Variants in CFAP61 observed in about 807,000 individuals in gnomAD.
CFAP61 encodes cilia- and flagella-associated protein 61.
In CFAP61, 107 loss-of-function variants were observed where a neutral mutation model predicts 135.6. The ratio of observed to expected loss-of-function variants is 0.79; its 90% CI spans 0.67 to 0.93. CFAP61 has a LOEUF of 0.93. Ranked by LOEUF, CFAP61 falls within the 40% of genes least tolerant of loss-of-function variation. CFAP61 has a pLI of 0.00. For synonymous variants in CFAP61, 575 were observed against 578.5 expected, an observed-to-expected ratio of 0.99 and a Z score of 0.09; for missense variants, 1,507 against 1,556.2, an observed-to-expected ratio of 0.97 and a Z score of 0.53.
Position 20,353,710 on chromosome 20 carries a change from T to C in CFAP61, c.3514-6500T>C, listed in dbSNP as rs77854136. 7.8e-3 allele frequency among the ~76,000 whole-genome samples: 1,184 copies of C among 152,306 alleles called. 17 individuals are homozygous for C. The highest frequency in any genetic ancestry group is 0.027 in the African/African-American group (1,131 of 41,548). On this transcript the variant is annotated intron_variant, in intron 26 of 26. Coordinates refer to ENST00000245957, the MANE Select transcript of CFAP61 (RefSeq NM_015585.4). The stretch of plus-strand genomic sequence containing the variant: ...TTTCCAGGAAGCTACGAGGACTTAC[T>C]GTGACCAAAAGATATATTTAAAAAA...
intron 25 of CFAP61, among the ~76,000 whole-genome samples, chr20:20,305,263 C>G (rs1322155646): frequency 6.6e-6 from 1 of 152,244 alleles, no homozygotes; most frequent in Non-Finnish European, 1.5e-5. Context: ...AGAAGTTCTT[C>G]CCTCAGGAAA....
intron 17 of CFAP61, among the ~76,000 whole-genome samples, chr20:20,201,435 C>G (rs183471516): frequency 6.6e-6 from 1 of 152,220 alleles, no homozygotes; most frequent in African/African-American, 2.4e-5. Flanking sequence ...AGATTCATAT[C>G]ATTTTATCTG....
At chr20:20,077,100 T>C (rs1172404045) in intron 6 of CFAP61, among the ~76,000 whole-genome samples, 2 of 152,210 alleles carry the variant, frequency 1.3e-5, no homozygotes, top group African/African-American at 4.8e-5. Context: ...AGAAGCGGGA[T>C]GCACAGACAG....
At chr20:20,207,374 C>G (rs896539845) in intron 17 of CFAP61, among the ~76,000 whole-genome samples, 1 of 152,140 alleles carries the variant, frequency 6.6e-6, no homozygotes, top group African/African-American at 2.4e-5. Flanking sequence ...TTGCCACAAC[C>G]CAGTAGGGGG....
intron 18 of CFAP61, among the ~76,000 whole-genome samples, chr20:20,234,878 C>G (rs959995428): frequency 5.9e-5 from 9 of 152,112 alleles, no homozygotes; most frequent in African/African-American, 2.2e-4. Context: ...GGGAAGGCAC[C>G]CAGAATCCCT....
chr20:20,179,230 A>G (rs2054866343), intron 13 of CFAP61, among the ~76,000 whole-genome samples: 1 of 152,172 alleles, frequency 6.6e-6, no homozygotes. Flanking sequence ...CCTATACACC[A>G]ACCACAGTCA....
In CFAP61 at chr20:20,075,602, G is replaced by A. The variant is rs768335979; in HGVS notation, c.553G>A (p.Val185Ile). The A allele has an allele frequency of 7.4e-6, 12 of 1,614,096 alleles. No individual in the cohort carries two copies. In the South Asian group the frequency reaches 7.7e-5, roughly 10 times the overall value. ...HRHSHYPQLH[V>I]RKARVEDHDD... ...GCACAGCCACTATCCTCAGCTGCACGTTCGCAAAGCCAGGTACAGTTGGAG... is the reference window on the plus strand; with the variant it reads ...GCACAGCCACTATCCTCAGCTGCACATTCGCAAAGCCAGGTACAGTTGGAG... Residue 185 changes from valine (V) to isoleucine (I), a missense_variant, in exon 6 of 27, where the codon GTT becomes ATT. Coordinates refer to ENST00000245957, the MANE Select transcript of CFAP61 (RefSeq NM_015585.4).
At chr20:20,213,779 T>C (rs981090592) in intron 17 of CFAP61, among the ~76,000 whole-genome samples, 10 of 152,100 alleles carry the variant, frequency 6.6e-5, no homozygotes, top group African/African-American at 1.9e-4. Context: ...CAAGAAAAAC[T>C]GATCCACACT....
At chr20:20,202,544 C>G (rs2056674635) in intron 17 of CFAP61, among the ~76,000 whole-genome samples, 1 of 152,092 alleles carries the variant, frequency 6.6e-6, no homozygotes, top group Admixed American at 6.5e-5. Flanking sequence ...TTATTTTTCT[C>G]TTTTTAACAT....
intron 13 of CFAP61, among the ~76,000 whole-genome samples, chr20:20,173,034 TTAG>T (rs1218131169): frequency 1.3e-5 from 2 of 151,962 alleles, no homozygotes; most frequent in East Asian, 1.9e-4. Context: ...TGGAATCCTG[TTAG>T]TAGCCTTTTC....
At position 20,337,616 on chromosome 20, in the gene CFAP61, G is replaced by A. The variant is rs1227796370; in HGVS notation, c.3423-4215G>A. ...GATGGATGGATGGATAGATGGGTGG[G>A]TGGGTGGATGGATGGATGGATGGAT... On this transcript the variant is annotated intron_variant, in intron 25 of 26. Transcript: ENST00000245957. 4.5e-3 allele frequency among the ~76,000 whole-genome samples: 13 copies of A among 2,890 alleles called. 2 individuals carry two copies. The Non-Finnish European group carries it at 0.055, about 12-fold the overall frequency. The allele number at this position is 2,890 out of a possible 152,430, so 1.9% of individuals were successfully genotyped here. A position where few individuals can be genotyped will look rare whatever the true frequency, so the allele number is the denominator to read the frequency against.
At chr20:20,068,052 G>A (rs1255995998) in intron 2 of CFAP61, among the ~76,000 whole-genome samples, 1 of 152,072 alleles carries the variant, frequency 6.6e-6, no homozygotes, top group African/African-American at 2.4e-5. Flanking sequence ...ATGTCTATGT[G>A]GTATATAGTA....
chr20:20,121,729 A>G (rs1159829983), intron 8 of CFAP61, among the ~76,000 whole-genome samples: 1 of 152,080 alleles, frequency 6.6e-6, no homozygotes, highest in African/African-American at 2.4e-5. Flanking sequence ...TCTGGCCTCA[A>G]GTGATCTGCC....
At chr20:20,121,237 C>A (rs1470423087) in intron 8 of CFAP61, among the ~76,000 whole-genome samples, 1 of 150,376 alleles carries the variant, frequency 6.6e-6, no homozygotes, top group Non-Finnish European at 1.5e-5. Context: ...TCCTGAGTAG[C>A]TGGGACTACA....
chr20:20,172,135 G>A (rs986295350), intron 13 of CFAP61: 1 of 846,324 alleles, frequency 1.2e-6, no homozygotes, highest in African/African-American at 1.8e-5. Flanking sequence ...AGAGGAAAAA[G>A]GATACTATGG....
chr20:20,273,557 G>T (rs1177003310), intron 21 of CFAP61, among the ~76,000 whole-genome samples: 1 of 152,232 alleles, frequency 6.6e-6, no homozygotes, highest in Non-Finnish European at 1.5e-5. Flanking sequence ...CTAGCAGGAA[G>T]AAAGTCTTAG....
intron 9 of CFAP61, among the ~76,000 whole-genome samples, chr20:20,152,311 A>G (rs1166424072): frequency 6.6e-6 from 1 of 152,198 alleles, no homozygotes; most frequent in Admixed American, 6.5e-5. Flanking sequence ...ACAATGAAAA[A>G]AAAAACACCA....
At position 20,142,919 on chromosome 20, in the gene CFAP61, G is replaced by C. The variant is rs878923777; in HGVS notation, c.922G>C (p.Val308Leu). 3 of 1,598,332 alleles carry C rather than the reference G, an allele frequency of 1.9e-6. No individual in the cohort carries two copies. The highest frequency in any genetic ancestry group is 2.2e-5 in the East Asian group (1 of 44,514). The change falls in exon 9 of 27, where the codon GTC becomes CTC. Residue 308 changes from valine (V) to leucine (L), a missense_variant. Val to Leu is a conservative substitution (Grantham distance 32, BLOSUM62 1). Coordinates refer to ENST00000245957, the MANE Select transcript of CFAP61 (RefSeq NM_015585.4). Reference sequence around the variant, plus strand: ...AATAGTCGAGGAGTTGCAGGAACCTGTCTCTCCAGATACCATGGAAAACAT... The same window carrying C: ...AATAGTCGAGGAGTTGCAGGAACCTCTCTCTCCAGATACCATGGAAAACAT... Reference protein sequence around the residue: ...QKIVEELQEPVSPDTMENIQG... With the variant: ...QKIVEELQEPLSPDTMENIQG...
chr20:20,056,663 C>T lies in CFAP61; in HGVS notation c.10C>T (p.Leu4Phe). 1 of 1,614,036 alleles carries T rather than the reference C, an allele frequency of 6.2e-7. No individual in the cohort carries two copies. Residue 4 changes from leucine (L) to phenylalanine (F), a missense_variant, in exon 2 of 27, where the codon CTC (leucine) becomes TTC (phenylalanine). Transcript: ENST00000245957. ...GGGGACAGGATAAAAAATGTCAGTACTCACTTCTCCAAGAGGAAAGGTAGA... is the reference window on the plus strand; with the variant it reads ...GGGGACAGGATAAAAAATGTCAGTATTCACTTCTCCAAGAGGAAAGGTAGA... MSV[L>F]TSPRGKVEVV...
Sources: allele counts gnomAD v4.1 joint callset (sites outside exome capture counted in the v4.1 genomes callset), GRCh38; gene constraint gnomAD v4.1.1; transcripts MANE v1.5; gene names NCBI Gene and HGNC (gene_info 2026-07-23, HGNC 2026-07-21).